Variants in PRIM2 observed in about 807,000 individuals in gnomAD.
The protein encoded by PRIM2 is DNA primase large subunit.
A neutral mutation model predicts 67.3 loss-of-function variants in PRIM2; 39 were observed. That is an observed-to-expected ratio of 0.58 (90% confidence interval 0.45 to 0.76). The LOEUF is 0.76. Among genes scored for constraint, PRIM2 ranks in the 30% least tolerant of loss-of-function variants. The pLI is 0.00. For missense variants in PRIM2, 398 were observed against 598.7 expected, an observed-to-expected ratio of 0.66 and a Z score of 3.50; for synonymous variants, 143 against 198.7, an observed-to-expected ratio of 0.72 and a Z score of 2.36.
chr6:57,335,822 G>A (rs368319236), intron 5 of PRIM2, among the ~76,000 whole-genome samples: 6 of 152,072 alleles, frequency 3.9e-5, no homozygotes, highest in African/African-American at 7.2e-5. Flanking sequence ...CCAAAGGAAC[G>A]CAGTTCCTCA....
intron 7 of PRIM2, among the ~76,000 whole-genome samples, chr6:57,478,874 C>T (rs1249730413): frequency 3.0e-4 from 45 of 152,306 alleles, no homozygotes; most frequent in Middle Eastern, 3.4e-3. Context: ...CGGCTGGGCG[C>T]GGTGGCTCAC....
chr6:57,295,906 A>T, the PRIM2 span, among the ~76,000 whole-genome samples: 78 of 152,316 alleles, frequency 5.1e-4, no homozygotes, highest in Middle Eastern at 3.4e-3. Flanking sequence ...GAATGGAGGG[A>T]TGGGAATAGG....
intron 5 of PRIM2, among the ~76,000 whole-genome samples, chr6:57,329,251 C>T (rs892292692): frequency 2.0e-5 from 3 of 151,850 alleles, no homozygotes; most frequent in South Asian, 2.1e-4. Flanking sequence ...ACAGTTTTTT[C>T]TGTAAGAGTT....
At chr6:57,459,424 A>C (rs1249513700) in intron 7 of PRIM2, among the ~76,000 whole-genome samples, 2 of 152,354 alleles carry the variant, frequency 1.3e-5, no homozygotes, top group East Asian at 3.9e-4. Context: ...GGACATTTTT[A>C]GCCCAAATTT....
intron 10 of PRIM2, among the ~76,000 whole-genome samples, chr6:57,580,743 TGA>T (rs1476160060): frequency 2.0e-5 from 3 of 152,186 alleles, no homozygotes; most frequent in Non-Finnish European, 4.4e-5. Flanking sequence ...GAGGGGATAA[TGA>T]GAGTGATTTT....
At chr6:57,591,321 G>A (rs1189816732) in intron 10 of PRIM2, among the ~76,000 whole-genome samples, 5 of 152,032 alleles carry the variant, frequency 3.3e-5, no homozygotes, top group Non-Finnish European at 4.4e-5. Flanking sequence ...AAAAATTATC[G>A]CAAGAATATG....
At chr6:57,362,829 G>C (rs1769244038) in intron 5 of PRIM2, among the ~76,000 whole-genome samples, 1 of 152,044 alleles carries the variant, frequency 6.6e-6, no homozygotes, top group African/African-American at 2.4e-5. Flanking sequence ...AGAGAAAGCT[G>C]TGTGAAAAAA....
At chr6:57,608,329 G>A (rs1220099199) in intron 12 of PRIM2, among the ~76,000 whole-genome samples, 2 of 152,132 alleles carry the variant, frequency 1.3e-5, no homozygotes, top group Non-Finnish European at 2.9e-5. Flanking sequence ...ATGCTGAGAG[G>A]ATTATTTTAC....
chr6:57,445,185 A>T (rs1316707600), intron 7 of PRIM2, among the ~76,000 whole-genome samples: 1 of 152,218 alleles, frequency 6.6e-6, no homozygotes, highest in African/African-American at 2.4e-5. Flanking sequence ...TTGTTTGCCA[A>T]CATTCTCGTA....
At chr6:57,331,561 A>G (rs907033738) in intron 5 of PRIM2, among the ~76,000 whole-genome samples, 4 of 152,126 alleles carry the variant, frequency 2.6e-5, no homozygotes, top group Non-Finnish European at 5.9e-5. Context: ...AAAATTACCA[A>G]TTCATTCTCT....
At chr6:57,598,507 C>G (rs1158209334) in intron 10 of PRIM2, among the ~76,000 whole-genome samples, 3 of 152,076 alleles carry the variant, frequency 2.0e-5, no homozygotes, top group Non-Finnish European at 2.9e-5. Context: ...GATATCTTGT[C>G]AAAGGTACAT....
chr6:57,356,066 G>C (rs539868812), intron 5 of PRIM2, among the ~76,000 whole-genome samples: 23 of 152,312 alleles, frequency 1.5e-4, no homozygotes, highest in Non-Finnish European at 3.1e-4. Flanking sequence ...TATGAATCCT[G>C]CTTTGACCTG....
chr6:57,558,845 G>A (rs1355369024), intron 10 of PRIM2, among the ~76,000 whole-genome samples: 3 of 151,934 alleles, frequency 2.0e-5, no homozygotes, highest in Admixed American at 2.0e-4. Context: ...ATACATTTTG[G>A]GGCTGGGCAC....
At chr6:57,557,596 A>G (rs1337790413) in intron 10 of PRIM2, among the ~76,000 whole-genome samples, 1 of 151,864 alleles carries the variant, frequency 6.6e-6, no homozygotes, top group Non-Finnish European at 1.5e-5. Context: ...AGAAGGGAAC[A>G]ACAGACACTG....
intron 7 of PRIM2, among the ~76,000 whole-genome samples, chr6:57,471,567 T>C (rs1368367053): frequency 2.0e-5 from 3 of 152,216 alleles, no homozygotes; most frequent in Admixed American, 6.5e-5. Flanking sequence ...AGTGTTCTGC[T>C]AACATTGGTG....
intron 10 of PRIM2, among the ~76,000 whole-genome samples, chr6:57,576,907 A>G (rs1775973467): frequency 6.6e-6 from 1 of 151,332 alleles, no homozygotes; most frequent in Admixed American, 6.6e-5. Context: ...CTGTTACAAA[A>G]TCATCTTTTT....
chr6:57,363,266 G>T (rs1391634671), intron 5 of PRIM2, among the ~76,000 whole-genome samples: 2 of 152,018 alleles, frequency 1.3e-5, no homozygotes, highest in Non-Finnish European at 2.9e-5. Flanking sequence ...TCACCCTTGG[G>T]TCTACTCATC....
At chr6:57,281,314 C>T in the PRIM2 span, among the ~76,000 whole-genome samples, 1 of 151,914 alleles carries the variant, frequency 6.6e-6, no homozygotes, top group Non-Finnish European at 1.5e-5. Flanking sequence ...GTATATATAC[C>T]CAGCAGTGGA....
chr6:57,301,017 C>T, the PRIM2 span, among the ~76,000 whole-genome samples: 1 of 152,292 alleles, frequency 6.6e-6, no homozygotes, highest in Middle Eastern at 3.4e-3. Flanking sequence ...GTTGTAAAAA[C>T]AGAAGTAAGA....
Sources: allele counts gnomAD v4.1 joint callset (sites outside exome capture counted in the v4.1 genomes callset), GRCh38; gene constraint gnomAD v4.1.1; transcripts MANE v1.5; gene names NCBI Gene and HGNC (gene_info 2026-07-23, HGNC 2026-07-21).